FAAH2: variants seen among roughly 807,000 people sequenced by gnomAD.
The protein encoded by FAAH2 is fatty-acid amide hydrolase 2.
FAAH2 carries 60 observed loss-of-function variants against 36.9 expected under a neutral mutation model. That is an observed-to-expected ratio of 1.63 (90% CI 1.32 to 2.02). The LOEUF is 2.02. FAAH2 is among the 30% of genes most tolerant of loss of function. The probability of loss-of-function intolerance (pLI) is 0.00; values close to 1 mark genes in which losing one functional copy is unlikely to be tolerated. For missense variants in FAAH2, 689 were observed against 397.5 expected, an observed-to-expected ratio of 1.73 and a Z score of -6.23; for synonymous variants, 214 against 143.8, an observed-to-expected ratio of 1.49 and a Z score of -3.49.
chrX:57,245,005 C>T, the FAAH2 span, among the ~76,000 whole-genome samples: 16 of 110,910 alleles, frequency 1.4e-4, no homozygotes, highest in African/African-American at 5.2e-4. Flanking sequence ...CAAAGAAACA[C>T]ATAGGCTCAA....
intron 1 of FAAH2, among the ~76,000 whole-genome samples, chrX:57,292,125 T>A (rs2052002722): frequency 9.0e-6 from 1 of 111,450 alleles, no homozygotes; most frequent in Non-Finnish European, 1.9e-5. Flanking sequence ...TACTGTTAAG[T>A]TTCAGTGTAT....
intron 10 of FAAH2, among the ~76,000 whole-genome samples, chrX:57,485,413 T>C (rs2057457058): frequency 9.0e-6 from 1 of 111,272 alleles, no homozygotes. Flanking sequence ...AAACCCCATT[T>C]GGTGTGAAGC....
At chrX:57,127,141 G>T in the FAAH2 span, 2 of 110,846 alleles carry the variant, frequency 1.8e-5, no homozygotes, top group Non-Finnish European at 3.8e-5. Flanking sequence ...ATGGCTTAGC[G>T]TTCCCAGACT....
At chrX:57,424,144 T>C (rs1217166735) in intron 7 of FAAH2, among the ~76,000 whole-genome samples, 1 of 111,954 alleles carries the variant, frequency 8.9e-6, no homozygotes, top group Non-Finnish European at 1.9e-5. Flanking sequence ...TGAGGCTATT[T>C]ATGACTAAGA....
chrX:57,281,619 G>C, the FAAH2 span, among the ~76,000 whole-genome samples: 11 of 111,570 alleles, frequency 9.9e-5, no homozygotes, highest in African/African-American at 3.6e-4. Flanking sequence ...TGATATATTG[G>C]TAAATTGCAT....
chrX:57,275,431 A>G, the FAAH2 span, among the ~76,000 whole-genome samples: 1 of 112,269 alleles, frequency 8.9e-6, no homozygotes, highest in South Asian at 3.7e-4. Flanking sequence ...GAAGCAAAAA[A>G]CATGGAAAAA....
At chrX:57,143,509 C>T in the FAAH2 span, among the ~76,000 whole-genome samples, 3 of 110,632 alleles carry the variant, frequency 2.7e-5, no homozygotes, top group Admixed American at 1.9e-4. Context: ...TAGGATCTCA[C>T]TCTATCACCC....
chrX:57,462,186 A>C (rs983962287), intron 10 of FAAH2, among the ~76,000 whole-genome samples: 1 of 101,059 alleles, frequency 9.9e-6, no homozygotes, highest in African/African-American at 3.7e-5. Flanking sequence ...AAAAAAAAAA[A>C]ACCCAGGACC....
Position 57,449,674 on chromosome X carries a change from C to T in FAAH2, c.1423+956C>T, listed in dbSNP as rs775308828. 2.7e-5 allele frequency among the ~76,000 whole-genome samples: 3 copies of T among 110,225 alleles called. No individual in the cohort carries two copies. The East Asian group carries it at 8.6e-4, about 32-fold the overall frequency. On this transcript the variant is annotated intron_variant, in intron 10 of 10. Coordinates refer to ENST00000374900, the MANE Select transcript of FAAH2 (RefSeq NM_174912.4). ...TCCTTCCTTCCTTCCTTCCTTGCTT[C>T]CTTCCTTCCTTCTTGGAGTTTTGCT... is the stretch of plus-strand genomic sequence containing the variant.
chrX:57,474,675 G>A (rs751737007), intron 10 of FAAH2, among the ~76,000 whole-genome samples: 1 of 112,051 alleles, frequency 8.9e-6, no homozygotes, highest in Non-Finnish European at 1.9e-5. Flanking sequence ...ACATATGTGT[G>A]CATGTGTCTT....
the FAAH2 span, among the ~76,000 whole-genome samples, chrX:57,256,631 A>G: frequency 1.8e-5 from 2 of 111,967 alleles, no homozygotes; most frequent in African/African-American, 6.5e-5. Flanking sequence ...GGACATAGGC[A>G]TGGGAAAAGA....
intron 3 of FAAH2, among the ~76,000 whole-genome samples, chrX:57,323,873 T>G (rs1373183778): frequency 3.6e-5 from 4 of 111,352 alleles, no homozygotes; most frequent in Non-Finnish European, 7.5e-5. Flanking sequence ...TTTTGGCTTT[T>G]GCTGCCATTG....
chrX:57,123,367 GTA>G, the FAAH2 span, among the ~76,000 whole-genome samples: 3 of 112,182 alleles, frequency 2.7e-5, no homozygotes, highest in Non-Finnish European at 5.6e-5. Context: ...ATTCCATGGT[GTA>G]TATGTGCCAC....
At chrX:57,151,609 A>T in the FAAH2 span, among the ~76,000 whole-genome samples, 1 of 111,311 alleles carries the variant, frequency 9.0e-6, no homozygotes, top group Non-Finnish European at 1.9e-5. Flanking sequence ...TTTCAGCTCC[A>T]TCCGCTCCTT....
chrX:57,182,987 A>G, the FAAH2 span, among the ~76,000 whole-genome samples: 1 of 110,749 alleles, frequency 9.0e-6, no homozygotes, highest in African/African-American at 3.3e-5. Context: ...TGGAAGCTAA[A>G]TGATGAGGAC....
At chrX:57,194,574 AG>A in the FAAH2 span, among the ~76,000 whole-genome samples, 2 of 110,146 alleles carry the variant, frequency 1.8e-5, no homozygotes, top group Admixed American at 9.7e-5. Flanking sequence ...GATTTTATTA[AG>A]ATTTATTTAT....
the FAAH2 span, among the ~76,000 whole-genome samples, chrX:57,183,331 C>G: frequency 1.8e-5 from 2 of 109,893 alleles, no homozygotes; most frequent in African/African-American, 6.7e-5. Flanking sequence ...TCATAATGTG[C>G]AGATTAGTAA....
chrX:57,487,762 A>T (rs746869397), intron 10 of FAAH2, among the ~76,000 whole-genome samples: 1 of 112,114 alleles, frequency 8.9e-6, no homozygotes, highest in Non-Finnish European at 1.9e-5. Context: ...CAACTATTTC[A>T]TTCATCTTTA....
At chrX:57,345,820 A>C (rs1156863754) in intron 5 of FAAH2, among the ~76,000 whole-genome samples, 4 of 111,584 alleles carry the variant, frequency 3.6e-5, no homozygotes, top group African/African-American at 1.3e-4. Flanking sequence ...TTGGTAAGTT[A>C]TTTTTTATTT....
Sources: gnomAD v4.1 joint callset for allele counts (sites outside exome capture counted in the v4.1 genomes callset) on GRCh38, gnomAD v4.1.1 for gene constraint, MANE v1.5 for transcripts, NCBI Gene and HGNC (gene_info 2026-07-23, HGNC 2026-07-21) for gene names.